The following ADGRL1 variants were observed in gnomAD, a reference collection of about 807,000 sequenced individuals.
ADGRL1 encodes the protein CIRL-1.
Under a neutral mutation model 148.9 loss-of-function variants are expected in ADGRL1, and 31 were observed. The ratio of observed to expected loss-of-function variants is 0.21; its 90% CI spans 0.16 to 0.28. ADGRL1 has a LOEUF of 0.28. Among genes scored for constraint, ADGRL1 ranks in the 10% least tolerant of loss-of-function variants. The pLI is 1.00. For missense variants in ADGRL1, 1,521 were observed against 2,058.8 expected (o/e 0.74, Z 5.05); for synonymous variants, 937 against 900.3 (o/e 1.04, Z -0.73).
At chr19:14,185,834 G>A (rs949317814) in intron 1 of ADGRL1, among the ~76,000 whole-genome samples, 1 of 152,142 alleles carries the variant, frequency 6.6e-6, no homozygotes, top group Non-Finnish European at 1.5e-5. Flanking sequence ...CCCCATTTCT[G>A]CTCCAGCCAC....
chr19:14,166,921 G>A, intron 4 of ADGRL1: 2 of 1,290,304 alleles, frequency 1.6e-6, no homozygotes, highest in Middle Eastern at 1.9e-4. Context: ...GGGTTGGGGA[G>A]AGAAGAAGGG....
At chr19:14,171,174 G>T in intron 3 of ADGRL1, 1 of 199,580 alleles carries the variant, frequency 5.0e-6, no homozygotes, top group Non-Finnish European at 1.0e-5. Context: ...GTGATTGTAA[G>T]TTTCCTGAGG....
At chr19:14,163,633 G>C (rs956658087) in intron 4 of ADGRL1, among the ~76,000 whole-genome samples, 42 of 151,958 alleles carry the variant, frequency 2.8e-4, no homozygotes, top group Non-Finnish European at 5.7e-4. Context: ...CCCTCCCCAC[G>C]CCCTGCCCAG....
Position 14,193,548 on chromosome 19 carries a change from T to C in ADGRL1, c.-95-9851A>G, listed in dbSNP as rs553630487. On this transcript the variant is annotated intron_variant, in intron 1 of 22. Coordinates refer to ENST00000361434, the MANE Select transcript of ADGRL1 (RefSeq NM_014921.5). Reference sequence around the variant, plus strand: ...GCTGCAGTGAGCTCTGATTGCACCATTGCATTCTAGCCTGGGCAAGAGAGT... The same window carrying C: ...GCTGCAGTGAGCTCTGATTGCACCACTGCATTCTAGCCTGGGCAAGAGAGT... Among the ~76,000 whole-genome samples the C allele has an allele frequency of 1.3e-3, 198 of 151,804 alleles. 1 individual carries two copies. The highest frequency in any genetic ancestry group is 4.3e-3 in the African/African-American group (180 of 41,402).
Position 14,155,309 on chromosome 19 carries a change from G to A in ADGRL1, c.3294+50C>T, listed in dbSNP as rs199785431. 2 of 1,598,668 alleles carry A rather than the reference G, an allele frequency of 1.3e-6. No individual in the cohort carries two copies. Among genetic ancestry groups the A allele is most frequent in the Admixed American group, 1.7e-5 (1 of 58,994 alleles). ...CTCGCCGCCTTCTCCTGGGTACCCA[G>A]GAAACGTCTCCAAGGGAGGCTGTGA... On this transcript the variant is annotated intron_variant, in intron 18 of 22. Coordinates refer to ENST00000361434, the MANE Select transcript of ADGRL1 (RefSeq NM_014921.5). This position sits in a 1 kb window ranked among gnomAD's most constrained non-coding sequence, Gnocchi z 5.0.
At chr19:14,170,848 G>C in intron 3 of ADGRL1, 57 bp from the exon 4 acceptor site, 1 of 834,210 alleles carries the variant, frequency 1.2e-6, no homozygotes, top group Admixed American at 2.0e-5. Context: ...TGGCGGGGGT[G>C]GGGGTGCATG....
At chr19:14,170,653 G>C in intron 4 of ADGRL1, 29 bp downstream of exon 4, 1 of 1,374,934 alleles carries the variant, frequency 7.3e-7, no homozygotes, top group East Asian at 2.3e-5. Context: ...AGAAGGGCCC[G>C]CATCCGCACA....
At chr19:14,166,488 C>T (rs982901471) in intron 4 of ADGRL1, among the ~76,000 whole-genome samples, 1 of 152,064 alleles carries the variant, frequency 6.6e-6, no homozygotes, top group Non-Finnish European at 1.5e-5. Flanking sequence ...ATGGTGTCCC[C>T]TCCAGCCCGC....
Position 14,151,626 on chromosome 19 carries a change from G to C in ADGRL1, c.3668-11C>G, listed in dbSNP as rs1445432711. On this transcript the variant is annotated splice_polypyrimidine_tract_variant and intron_variant, in intron 22 of 22. Transcript: ENST00000361434. ...CTCCCAAGGGGTGCTCTGCAGGGCAGAAAGGGGCTGGTCAGGTTGAAGAGG... is the reference window on the plus strand; with the variant it reads ...CTCCCAAGGGGTGCTCTGCAGGGCACAAAGGGGCTGGTCAGGTTGAAGAGG... 6.3e-7 allele frequency: 1 copy of C among 1,581,810 alleles called. No homozygotes were observed.
At chr19:14,182,916 AG>A (rs1376988789) in intron 2 of ADGRL1, among the ~76,000 whole-genome samples, 3 of 152,114 alleles carry the variant, frequency 2.0e-5, no homozygotes, top group Admixed American at 6.5e-5. Flanking sequence ...CGGGGTGGGC[AG>A]GGGGCACATC....
In ADGRL1 at chr19:14,152,653, C is replaced by T; in HGVS notation, c.3424-40G>A. On this transcript the variant is annotated intron_variant, in intron 19 of 22. Coordinates refer to ENST00000361434, the MANE Select transcript of ADGRL1 (RefSeq NM_014921.5). This position sits in a 1 kb window ranked among gnomAD's most constrained non-coding sequence, Gnocchi z 6.1. Reference sequence around the variant, plus strand: ...CAAATGTGAGGGGATCCTTGGGCCACCCACCCTCTGGCGTCTTTCTGAGAC... The same window carrying T: ...CAAATGTGAGGGGATCCTTGGGCCATCCACCCTCTGGCGTCTTTCTGAGAC... 6.2e-7 allele frequency: 1 copy of T among 1,606,368 alleles called. No homozygotes were observed. The highest frequency in any genetic ancestry group is 1.1e-5 in the South Asian group (1 of 90,760).
In ADGRL1 at chr19:14,193,303, G is replaced by A. The variant is rs549249128; in HGVS notation, c.-95-9606C>T. On this transcript the variant is annotated intron_variant, in intron 1 of 22. Coordinates refer to ENST00000361434, the MANE Select transcript of ADGRL1 (RefSeq NM_014921.5). ...AAAAAAAAAAAAAAAACTCAGGCTG[G>A]GCACAGTGCACAGTGGCTCACACCT... 4.0e-5 allele frequency among the ~76,000 whole-genome samples: 6 copies of A among 148,410 alleles called. No individual in the cohort carries two copies. The East Asian group carries it at 1.2e-3, about 30-fold the overall frequency.
chr19:14,197,594 T>G (rs1379629863), intron 1 of ADGRL1, among the ~76,000 whole-genome samples: 1 of 152,128 alleles, frequency 6.6e-6, no homozygotes, highest in East Asian at 1.9e-4. Flanking sequence ...TCACACACAG[T>G]TCCTTATTCT....
intron 2 of ADGRL1, 85 bp from the exon 3 acceptor site, chr19:14,177,829 C>G: frequency 1.6e-6 from 2 of 1,248,392 alleles, no homozygotes; most frequent in Non-Finnish European, 2.2e-6. Flanking sequence ...AACACCACCT[C>G]TGGCTCGGCT....
intron 18 of ADGRL1, among the ~76,000 whole-genome samples, chr19:14,153,539 C>T (rs1029165265): frequency 1.3e-5 from 2 of 151,354 alleles, no homozygotes; most frequent in Non-Finnish European, 2.9e-5. Context: ...CCACAGCCTC[C>T]TGAGTAGCTG....
intron 4 of ADGRL1, among the ~76,000 whole-genome samples, chr19:14,168,305 G>GT (rs1423820745): frequency 6.6e-6 from 1 of 152,184 alleles, no homozygotes; most frequent in Non-Finnish European, 1.5e-5. Flanking sequence ...TTGGGGACAA[G>GT]TGAGTGCCTG....
chr19:14,184,702 C>T (rs2145045224), intron 1 of ADGRL1, among the ~76,000 whole-genome samples: 1 of 150,202 alleles, frequency 6.7e-6, no homozygotes, highest in African/African-American at 2.5e-5. Context: ...TGCAGTGGCA[C>T]AGACTCAGCT....
At position 14,150,695 on chromosome 19, in the gene ADGRL1, G is replaced by A; in HGVS notation, c.*178C>T. ...GTGGGAAACCCTGTCTGTGAACCCT[G>A]GCACCTCAGGCCCCCAGGTTAGAGT... On this transcript the variant is annotated 3_prime_UTR_variant, in exon 23 of 23. Coordinates refer to ENST00000361434, the MANE Select transcript of ADGRL1 (RefSeq NM_014921.5). The A allele has an allele frequency of 1.5e-6, 1 of 675,316 alleles. No homozygotes were observed. The highest frequency in any genetic ancestry group is 1.9e-5 in the African/African-American group (1 of 53,898). 41.8% of individuals were successfully genotyped at this position (675,316 alleles called of 1,614,324 possible).
chr19:14,160,049 T>C lies in ADGRL1; in HGVS notation c.1800+63A>G, dbSNP rs1229844012. 1 of 1,495,352 alleles carries C rather than the reference T, an allele frequency of 6.7e-7. No individual in the cohort carries two copies. The highest frequency in any genetic ancestry group is 2.0e-5 in the Admixed American group (1 of 49,754). 92.6% of individuals were successfully genotyped at this position (1,495,352 alleles called of 1,614,324 possible). On this transcript the variant is annotated intron_variant, in intron 8 of 22. Transcript: ENST00000361434. This position sits in a 1 kb window ranked among gnomAD's most constrained non-coding sequence, Gnocchi z 5.9. ...GGCTGGGAGGTACCAGGTCAGGTAC[T>C]TCCCAAGCCCCTGGGGGCAGGCGCC... is the stretch of plus-strand genomic sequence containing the variant.
Sources: allele counts gnomAD v4.1 joint callset (sites outside exome capture counted in the v4.1 genomes callset), GRCh38; gene constraint gnomAD v4.1.1; non-coding constraint Gnocchi (gnomAD v3.1); transcripts MANE v1.5; gene names NCBI Gene and HGNC (gene_info 2026-07-23, HGNC 2026-07-21).